ENPP3: variants seen among roughly 807,000 people sequenced by gnomAD.
ENPP3 encodes ectonucleotide pyrophosphatase/phosphodiesterase family member 3.
A neutral mutation model predicts 117.8 loss-of-function variants in ENPP3; 104 were observed. The ratio of observed to expected loss-of-function variants is 0.88; its 90% confidence interval spans 0.75 to 1.04. The LOEUF is 1.04. ENPP3 is among the 50% of genes least tolerant of loss of function. The pLI, the probability that ENPP3 is intolerant of heterozygous loss-of-function variation, is 0.00. For missense variants in ENPP3, 1,026 were observed against 1,051.9 expected, an observed-to-expected ratio of 0.98 and a Z score of 0.34; for synonymous variants, 380 against 349.9, an observed-to-expected ratio of 1.09 and a Z score of -0.96.
intron 6 of ENPP3, among the ~76,000 whole-genome samples, chr6:131,669,676 A>AAAAG (rs1431329777): frequency 4.8e-5 from 7 of 146,338 alleles, no homozygotes; most frequent in Non-Finnish European, 7.4e-5. Flanking sequence ...AAAAAAAAAA[A>AAAAG]AAAGAAAGAA....
chr6:131,669,465 G>A (rs1224364107), intron 6 of ENPP3, among the ~76,000 whole-genome samples: 2 of 151,734 alleles, frequency 1.3e-5, no homozygotes, highest in Non-Finnish European at 2.9e-5. Flanking sequence ...TTGAGGCAAG[G>A]AGATCGAGAC....
chr6:131,662,177 C>T (rs965752835), intron 6 of ENPP3, among the ~76,000 whole-genome samples: 2 of 152,038 alleles, frequency 1.3e-5, no homozygotes, highest in African/African-American at 4.8e-5. Flanking sequence ...GTGTATTCTT[C>T]TTGGCACCCT....
chr6:131,661,631 T>C (rs1422627826), intron 6 of ENPP3, among the ~76,000 whole-genome samples: 4 of 152,122 alleles, frequency 2.6e-5, no homozygotes, highest in Non-Finnish European at 5.9e-5. Context: ...ATTAGTGACA[T>C]TGAGCATCTT....
chr6:131,650,288 T>C, intron 3 of ENPP3, 139 bp downstream of exon 3: 2 of 843,824 alleles, frequency 2.4e-6, no homozygotes, highest in East Asian at 2.6e-5. Context: ...GGCATGATCA[T>C]GGCCAACTCC....
chr6:131,737,806 C>T (rs1307994689), intron 22 of ENPP3, among the ~76,000 whole-genome samples: 1 of 152,052 alleles, frequency 6.6e-6, no homozygotes, highest in Non-Finnish European at 1.5e-5. Flanking sequence ...AATTTGAAGG[C>T]ATATTTAACT....
chr6:131,681,777 A>G (rs185920834), intron 11 of ENPP3, among the ~76,000 whole-genome samples: 2 of 152,270 alleles, frequency 1.3e-5, no homozygotes, highest in Admixed American at 6.5e-5. Flanking sequence ...TGCAATATGT[A>G]TACAGTTTGG....
chr6:131,727,513 C>A (rs1475026793), intron 20 of ENPP3, among the ~76,000 whole-genome samples: 2 of 143,842 alleles, frequency 1.4e-5, no homozygotes, highest in Non-Finnish European at 1.5e-5. Flanking sequence ...CAAGATCGCG[C>A]CATTACACTC....
chr6:131,687,890 G>C (rs1408559652), intron 14 of ENPP3, among the ~76,000 whole-genome samples: 2 of 152,160 alleles, frequency 1.3e-5, no homozygotes, highest in Admixed American at 6.5e-5. Context: ...CAATGCGACT[G>C]TAACTATTTG....
chr6:131,677,724 A>T, intron 10 of ENPP3, 144 bp from the exon 11 acceptor site: 1 of 577,632 alleles, frequency 1.7e-6, no homozygotes, highest in East Asian at 2.8e-5. Context: ...GCCAAGTAGA[A>T]CTACTGGGTC....
At position 131,652,868 on chromosome 6, in the gene ENPP3, C is replaced by A. The variant is rs778729747; in HGVS notation, c.441C>A (p.Ala147=). The A allele has an allele frequency of 1.2e-6, 2 of 1,613,028 alleles. No individual in the cohort carries two copies. Among genetic ancestry groups the A allele is most frequent in the Non-Finnish European group, 1.7e-6 (2 of 1,179,094 alleles). Residue 147 remains alanine (A), a synonymous_variant, in exon 5 of 25, where the codon GCC becomes GCA. Transcript: ENST00000357639. The part of the protein sequence containing the change: ...TSWLEENCDT[A]QQSQCPEGFD... ...GGCTGGAAGAAAACTGTGACACAGC[C>A]CAGCAGTCTCAGTGCCCAGAAGGGT...
Position 131,747,035 on chromosome 6 carries a change from T to C in ENPP3, c.*79T>C. ...ATATAAGTGATTTTTTTCTGGAGAA[T>C]TGTAAAATAAAGTTTTCTATTTTTC... On this transcript the variant is annotated 3_prime_UTR_variant, in exon 25 of 25. Transcript: ENST00000357639. 1 of 741,084 alleles carries C rather than the reference T, an allele frequency of 1.3e-6. No individual in the cohort carries two copies. The highest frequency in any genetic ancestry group is 2.0e-6 in the Non-Finnish European group (1 of 494,832). 45.9% of individuals were successfully genotyped at this position (741,084 alleles called of 1,614,324 possible).
At chr6:131,738,005 T>C in intron 22 of ENPP3, 26 bp from the exon 23 acceptor site, 1 of 1,534,668 alleles carries the variant, frequency 6.5e-7, no homozygotes, top group Non-Finnish European at 8.9e-7. Flanking sequence ...GTGGACATTT[T>C]AAACACTTTA....
intron 3 of ENPP3, 60 bp downstream of exon 3, chr6:131,650,209 A>C: frequency 1.3e-6 from 2 of 1,590,676 alleles, no homozygotes; most frequent in South Asian, 2.2e-5. Context: ...AATACATGTC[A>C]AATTTTTTTC....
At chr6:131,671,481 G>A (rs1204415795) in intron 7 of ENPP3, among the ~76,000 whole-genome samples, 154 bp downstream of exon 7, 2 of 152,182 alleles carry the variant, frequency 1.3e-5, no homozygotes, top group Non-Finnish European at 2.9e-5. Context: ...TGAAGGAATG[G>A]CTCAATATGA....
chr6:131,692,623 C>A (rs1779303901), intron 14 of ENPP3, among the ~76,000 whole-genome samples: 1 of 147,628 alleles, frequency 6.8e-6, no homozygotes, highest in South Asian at 2.1e-4. Context: ...GATGTCTGTC[C>A]ATTTTCTGTT....
rs1332039132 is a variant in ENPP3 at position 131,674,650 on chromosome 6, G to A, written c.762+369G>A. ...TGCAGTGGTGTGATCTCGGCTTACT[G>A]TAACCTCTGCTTCTCAGGTTCAAGC... On this transcript the variant is annotated intron_variant, in intron 8 of 24. Transcript: ENST00000357639. Among the ~76,000 whole-genome samples, 7 of 149,800 alleles carry A rather than the reference G, an allele frequency of 4.7e-5. No individual in the cohort carries two copies. The Admixed American group carries it at 4.7e-4, about 10-fold the overall frequency.
Position 131,717,556 on chromosome 6 carries a change from C to T in ENPP3, c.1413-1116C>T, listed in dbSNP as rs1244824003. On this transcript the variant is annotated intron_variant, in intron 15 of 24. Transcript: ENST00000357639. ...CTTTAAAAGATCTAGGTTCATTTAT[C>T]GCTATTTTCCAAGTATGAAAAACAG... Among the ~76,000 whole-genome samples, 11 of 152,012 alleles carry T rather than the reference C, an allele frequency of 7.2e-5. No individual in the cohort carries two copies. In the South Asian group the frequency reaches 1.2e-3, roughly 17 times the overall value.
rs764966431 is a variant in ENPP3, at chr6:131,677,899, C to T, written c.970C>T (p.Pro324Ser). ...GTTTTATACCATGTATTTTGAAGAA[C>T]CTGATTCCTCTGGACATGCAGGTGG... ...PRFYTMYFEE[P>S]DSSGHAGGPV... The change falls in exon 11 of 25, where the codon CCT (proline) becomes TCT (serine). Residue 324 changes from proline to serine, a missense_variant. Coordinates refer to ENST00000357639, the MANE Select transcript of ENPP3 (RefSeq NM_005021.5). 22 of 1,611,050 alleles carry T rather than the reference C, an allele frequency of 1.4e-5. No homozygotes were observed. Among genetic ancestry groups the T allele is most frequent in the Non-Finnish European group, 1.5e-5 (18 of 1,177,640 alleles).
At chr6:131,678,961 C>CTTTATTT (rs1562446603) in intron 11 of ENPP3, among the ~76,000 whole-genome samples, 1 of 91,138 alleles carries the variant, frequency 1.1e-5, no homozygotes, top group African/African-American at 7.9e-5. Context: ...TTCTTTCTTT[C>CTTTATTT]CTTCCTTCCT....
Sources: allele counts gnomAD v4.1 joint callset (sites outside exome capture counted in the v4.1 genomes callset), GRCh38; gene constraint gnomAD v4.1.1; transcripts MANE v1.5; gene names NCBI Gene and HGNC (gene_info 2026-07-23, HGNC 2026-07-21).